Variants in MSI2 observed in about 807,000 individuals in gnomAD.
The protein encoded by MSI2 is RNA-binding protein Musashi homolog 2.
A neutral mutation model predicts 45.6 loss-of-function variants in MSI2; 17 were observed. That is an observed-to-expected ratio of 0.37 (90% CI 0.26 to 0.56). MSI2 has a LOEUF of 0.56. Among genes scored for constraint, MSI2 ranks in the 20% least tolerant of loss-of-function variants. The pLI is 0.77. For missense variants in MSI2, 293 were observed against 444.2 expected (o/e 0.66, Z 3.06); for synonymous variants, 156 against 158.2 (o/e 0.99, Z 0.11).
chr17:57,576,334 T>G (rs989596802), intron 7 of MSI2, among the ~76,000 whole-genome samples: 1 of 152,224 alleles, frequency 6.6e-6, no homozygotes, highest in Non-Finnish European at 1.5e-5. Flanking sequence ...TACTCTCCAT[T>G]GTATCCTAAA....
At chr17:57,648,849 A>G (rs949742437) in intron 10 of MSI2, among the ~76,000 whole-genome samples, 4 of 152,156 alleles carry the variant, frequency 2.6e-5, no homozygotes, top group Non-Finnish European at 5.9e-5. Flanking sequence ...CCTGCCCCAG[A>G]TGACCCCGGC....
At chr17:57,675,954 C>T (rs901816890) in intron 12 of MSI2, among the ~76,000 whole-genome samples, 10 of 152,208 alleles carry the variant, frequency 6.6e-5, no homozygotes, top group African/African-American at 1.9e-4. Context: ...CCCACTTGCT[C>T]GCTGTCCCTT....
At position 57,258,283 on chromosome 17, in the gene MSI2, G is replaced by A; in HGVS notation, c.199G>A (p.Val67Ile). Residue 67 changes from valine to isoleucine, a missense_variant, in exon 4 of 14, where the codon GTC (valine) becomes ATC (isoleucine). Val to Ile is a conservative substitution (Grantham distance 29). Coordinates refer to ENST00000284073, the MANE Select transcript of MSI2 (RefSeq NM_138962.4). ...TTKRSRGFGF[V>I]TFADPASVDK... ...GTCTCCTTTCAGAGGCTTCGGTTTC[G>A]TCACGTTCGCAGACCCAGCAAGTGT... is the stretch of plus-strand genomic sequence containing the variant. 1 of 1,614,046 alleles carries A rather than the reference G, an allele frequency of 6.2e-7. No homozygotes were observed. The highest frequency in any genetic ancestry group is 1.1e-5 in the South Asian group (1 of 91,078).
chr17:57,369,721 G>T (rs1287723801), intron 5 of MSI2, among the ~76,000 whole-genome samples: 1 of 152,166 alleles, frequency 6.6e-6, no homozygotes, highest in Non-Finnish European at 1.5e-5. Context: ...TCATTTAATG[G>T]TCACGCTGTT....
intron 6 of MSI2, among the ~76,000 whole-genome samples, chr17:57,422,570 A>G (rs530264154): frequency 4.6e-5 from 7 of 152,340 alleles, no homozygotes; most frequent in East Asian, 3.9e-4. Flanking sequence ...TACATGCCCA[A>G]TGGCACAAAG....
intron 5 of MSI2, among the ~76,000 whole-genome samples, chr17:57,313,722 T>C (rs1399720107): frequency 6.6e-6 from 1 of 152,224 alleles, no homozygotes; most frequent in Non-Finnish European, 1.5e-5. Flanking sequence ...GGTTCATGTT[T>C]ATCAACGCCT....
At chr17:57,607,045 G>A (rs1368190605) in intron 8 of MSI2, among the ~76,000 whole-genome samples, 5 of 152,250 alleles carry the variant, frequency 3.3e-5, no homozygotes, top group East Asian at 1.9e-4. Flanking sequence ...ACTACGAGGC[G>A]GGTAAGGCCA....
chr17:57,410,593 TA>T (rs71139991), intron 6 of MSI2, among the ~76,000 whole-genome samples: 1 of 149,384 alleles, frequency 6.7e-6, no homozygotes, highest in African/African-American at 2.5e-5. Context: ...TTAATTAAAT[TA>T]AAAAAAAAAG....
At chr17:57,324,124 A>G (rs1256278512) in intron 5 of MSI2, among the ~76,000 whole-genome samples, 2 of 152,240 alleles carry the variant, frequency 1.3e-5, no homozygotes, top group African/African-American at 4.8e-5. Context: ...CCTGGGTAAC[A>G]TAGCAAGGCC....
At chr17:57,656,400 T>C (rs1262270259) in intron 11 of MSI2, among the ~76,000 whole-genome samples, 4 of 152,188 alleles carry the variant, frequency 2.6e-5, no homozygotes, top group Admixed American at 2.0e-4. Context: ...CTTTTTTTAT[T>C]TCTTAAGGCC....
chr17:57,530,273 T>C (rs554949625), intron 7 of MSI2, among the ~76,000 whole-genome samples: 2 of 152,106 alleles, frequency 1.3e-5, no homozygotes, highest in Non-Finnish European at 2.9e-5. Context: ...TCCCATCCAC[T>C]TTACAAAAAA....
At chr17:57,399,847 G>C (rs1044350512) in intron 5 of MSI2, among the ~76,000 whole-genome samples, 1 of 152,194 alleles carries the variant, frequency 6.6e-6, no homozygotes, top group African/African-American at 2.4e-5. Context: ...TTAGACCCAG[G>C]AGCTGGATTT....
chr17:57,367,681 A>C (rs931403962), intron 5 of MSI2, among the ~76,000 whole-genome samples: 1 of 152,200 alleles, frequency 6.6e-6, no homozygotes, highest in Non-Finnish European at 1.5e-5. Context: ...CCTACCTGCA[A>C]GGTACCCTTA....
intron 7 of MSI2, among the ~76,000 whole-genome samples, chr17:57,537,594 G>A (rs1341688576): frequency 6.6e-6 from 1 of 152,180 alleles, no homozygotes; most frequent in Non-Finnish European, 1.5e-5. Context: ...TGGCAACATC[G>A]ATCCAAGACC....
intron 6 of MSI2, among the ~76,000 whole-genome samples, chr17:57,442,183 C>T (rs1296944843): frequency 1.3e-5 from 2 of 151,906 alleles, no homozygotes; most frequent in African/African-American, 2.4e-5. Context: ...ACTACAGGCG[C>T]GTGCCACCAC....
chr17:57,620,125 G>A (rs1002125282), intron 9 of MSI2, among the ~76,000 whole-genome samples: 22 of 152,216 alleles, frequency 1.4e-4, no homozygotes, highest in African/African-American at 2.2e-4. Context: ...AAGGGAGGCC[G>A]TGTGGTCCAG....
chr17:57,502,019 G>T (rs1421828664), intron 6 of MSI2, among the ~76,000 whole-genome samples: 2 of 152,154 alleles, frequency 1.3e-5, no homozygotes, highest in Admixed American at 1.3e-4. Flanking sequence ...GGTTTCAAGA[G>T]CAAGAGATTC....
Position 57,529,940 on chromosome 17 carries a change from C to T in MSI2, c.454+216C>T, listed in dbSNP as rs1458033933. On this transcript the variant is annotated intron_variant, in intron 7 of 13. Coordinates refer to ENST00000284073, the MANE Select transcript of MSI2 (RefSeq NM_138962.4). The surrounding 1 kb of genome is among the most constrained non-coding windows in gnomAD (Gnocchi z 5.3). Reference sequence around the variant, plus strand: ...AAACCATTTCCTTCTGGCCTAGGAACTCCTGTTTAGTTATGCAGCCATCCC... The same window carrying T: ...AAACCATTTCCTTCTGGCCTAGGAATTCCTGTTTAGTTATGCAGCCATCCC... Among the ~76,000 whole-genome samples the T allele has an allele frequency of 6.6e-6, 1 of 152,160 alleles. No individual in the cohort carries two copies. Among genetic ancestry groups the T allele is most frequent in the Non-Finnish European group, 1.5e-5 (1 of 68,024 alleles).
intron 6 of MSI2, among the ~76,000 whole-genome samples, chr17:57,428,290 C>T (rs1408927040): frequency 6.6e-6 from 1 of 152,114 alleles, no homozygotes; most frequent in Admixed American, 6.5e-5. Flanking sequence ...GTGGCATGAT[C>T]GTGGCTCACT....
Sources: gnomAD v4.1 joint callset for allele counts (sites outside exome capture counted in the v4.1 genomes callset) on GRCh38, gnomAD v4.1.1 for gene constraint, Gnocchi (gnomAD v3.1) non-coding constraint, MANE v1.5 for transcripts, NCBI Gene and HGNC (gene_info 2026-07-23, HGNC 2026-07-21) for gene names.